GABARAPL1: variants seen among roughly 807,000 people sequenced by gnomAD.
GABARAPL1 encodes GABA type A receptor associated protein like 1, also known as gamma-aminobutyric acid receptor-associated protein-like 1.
Under a neutral mutation model 14.5 loss-of-function variants are expected in GABARAPL1, and 4 were observed. That is an observed-to-expected ratio of 0.28 (90% CI 0.14 to 0.63). The LOEUF is 0.63. Among genes scored for constraint, GABARAPL1 ranks in the 30% least tolerant of loss-of-function variants. The probability of loss-of-function intolerance (pLI) is 0.84; values close to 1 mark genes in which losing one functional copy is unlikely to be tolerated. For synonymous variants in GABARAPL1, 47 were observed against 50.6 expected (o/e 0.93, Z 0.30); for missense variants, 82 against 139.2 (o/e 0.59, Z 2.07).
At chr12:10,217,180 A>T (rs1949095302) in intron 1 of GABARAPL1, among the ~76,000 whole-genome samples, 1 of 152,180 alleles carries the variant, frequency 6.6e-6, no homozygotes, top group Admixed American at 6.5e-5. Flanking sequence ...AAAATCCCTT[A>T]AAGTCCTAAC....
intron 3 of GABARAPL1, chr12:10,221,318 A>G (rs1949119391): frequency 1.0e-6 from 1 of 976,724 alleles, no homozygotes; most frequent in African/African-American, 1.8e-5. Flanking sequence ...GAAGGACTTT[A>G]TTATTACTGA....
chr12:10,221,572 T>G (rs921209971), intron 3 of GABARAPL1: 2 of 473,840 alleles, frequency 4.2e-6, no homozygotes, highest in African/African-American at 4.2e-5. Flanking sequence ...ATATCCCTGA[T>G]ACCTATGTGT....
At chr12:10,221,548 C>A in intron 3 of GABARAPL1, 2 of 584,688 alleles carry the variant, frequency 3.4e-6, no homozygotes, top group African/African-American at 2.0e-5. Context: ...GAGGACTGTG[C>A]CCTAGTCATC....
At chr12:10,216,661 T>C (rs1949091945) in intron 1 of GABARAPL1, among the ~76,000 whole-genome samples, 1 of 150,998 alleles carries the variant, frequency 6.6e-6, no homozygotes, top group South Asian at 2.1e-4. Context: ...TGCCTCAGCC[T>C]TCCTGAGTAG....
rs1421811206 is a variant in GABARAPL1 at position 10,220,447 on chromosome 12, G to C, written c.177G>C (p.Gln59His). ...TCTTCTTCCATCATCCAGTTGGCCA[G>C]TTCTACTTCTTAATCCGGAAGAGAA... ...YLVPSDLTVG[Q>H]FYFLIRKRIH... is the part of the protein sequence containing the mutation. Residue 59 changes from glutamine (Q) to histidine (H), a missense_variant, in exon 3 of 4, where the codon CAG (glutamine) becomes CAC (histidine). Gln to His is a conservative substitution (Grantham distance 24). Transcript: ENST00000266458. 6.2e-7 allele frequency: 1 copy of C among 1,612,346 alleles called. No individual in the cohort carries two copies. The highest frequency in any genetic ancestry group is 8.5e-7 in the Non-Finnish European group (1 of 1,179,874).
intron 1 of GABARAPL1, 90 bp from the exon 2 acceptor site, chr12:10,217,973 A>C: frequency 1.3e-6 from 1 of 772,540 alleles, no homozygotes; most frequent in South Asian, 1.4e-5. Context: ...ATTCATTTCC[A>C]GTAGTAACTA....
Position 10,220,613 on chromosome 12 carries a change from C to G in GABARAPL1, c.288+55C>G, listed in dbSNP as rs752761121. 26 of 1,612,392 alleles carry G rather than the reference C, an allele frequency of 1.6e-5. No individual in the cohort carries two copies. In the South Asian group the frequency reaches 2.8e-4, roughly 17 times the overall value. On this transcript the variant is annotated intron_variant, in intron 3 of 3. Transcript: ENST00000266458. ...GCCGTCCAGTGCAGTCTGGCATCCT[C>G]TAGCCCTTGTTCTAGATGCGTTGAT...
At chr12:10,220,736 A>G (rs1010209821) in intron 3 of GABARAPL1, 178 bp downstream of exon 3, 13 of 1,522,418 alleles carry the variant, frequency 8.5e-6, no homozygotes, top group African/African-American at 2.8e-5. Context: ...CTTGTTTTTT[A>G]GGGATTAGCC....
intron 2 of GABARAPL1, among the ~76,000 whole-genome samples, chr12:10,220,090 A>T (rs1229595577): frequency 6.6e-6 from 1 of 152,196 alleles, no homozygotes; most frequent in East Asian, 1.9e-4. Flanking sequence ...AAGAGTTTCA[A>T]GTCAGGTTTA....
intron 1 of GABARAPL1, 140 bp from the exon 2 acceptor site, chr12:10,217,923 G>T: frequency 1.6e-6 from 1 of 628,632 alleles, no homozygotes. Flanking sequence ...ATAAGGGGTG[G>T]GGGGATAAGA....
Position 10,220,429 on chromosome 12 carries a change from C to T in GABARAPL1, c.170-11C>T, listed in dbSNP as rs774964032. 2.5e-6 allele frequency: 4 copies of T among 1,611,880 alleles called. No individual in the cohort carries two copies. The highest frequency in any genetic ancestry group is 1.1e-5 in the South Asian group (1 of 90,978). On this transcript the variant is annotated splice_polypyrimidine_tract_variant and intron_variant, in intron 2 of 3. Transcript: ENST00000266458. ...CTTTCTTTTCTGCCCTTTTCTTCTTCCATCATCCAGTTGGCCAGTTCTACT... is the reference window on the plus strand; with the variant it reads ...CTTTCTTTTCTGCCCTTTTCTTCTTTCATCATCCAGTTGGCCAGTTCTACT...
intron 1 of GABARAPL1, among the ~76,000 whole-genome samples, chr12:10,217,488 T>G (rs1237065265): frequency 6.6e-6 from 1 of 152,176 alleles, no homozygotes; most frequent in Non-Finnish European, 1.5e-5. Flanking sequence ...TCCCAGCACT[T>G]TGGGAGGCCA....
At chr12:10,214,301 GT>G (rs1465481802) in intron 1 of GABARAPL1, 1 of 155,738 alleles carries the variant, frequency 6.4e-6, no homozygotes, top group Non-Finnish European at 1.4e-5. Context: ...CCTAACGTTC[GT>G]GGTTTTATAG....
chr12:10,219,774 C>T (rs1026171190), intron 2 of GABARAPL1, among the ~76,000 whole-genome samples: 5 of 151,966 alleles, frequency 3.3e-5, no homozygotes, highest in African/African-American at 1.2e-4. Context: ...GCGCTTTCAG[C>T]CTGGGTGACA....
intron 1 of GABARAPL1, 144 bp from the exon 2 acceptor site, chr12:10,217,919 G>T (rs1454897738): frequency 1.1e-5 from 7 of 625,694 alleles, no homozygotes; most frequent in Non-Finnish European, 2.1e-5. Context: ...TTTTATAAGG[G>T]GTGGGGGGAT....
chr12:10,213,855 GAC>G (rs764301301), intron 1 of GABARAPL1: 2 of 456,018 alleles, frequency 4.4e-6, no homozygotes, highest in South Asian at 3.1e-5. Context: ...CTTGTGTGGG[GAC>G]AGCCAGCCTC....
chr12:10,221,317 T>C (rs979871061), intron 3 of GABARAPL1: 2 of 976,588 alleles, frequency 2.0e-6, no homozygotes, highest in African/African-American at 1.7e-5. Flanking sequence ...TGAAGGACTT[T>C]ATTATTACTG....
intron 1 of GABARAPL1, among the ~76,000 whole-genome samples, chr12:10,217,212 CTTG>C (rs1250710183): frequency 1.8e-4 from 28 of 152,178 alleles, no homozygotes; most frequent in African/African-American, 6.0e-4. Context: ...CTATAAATGG[CTTG>C]TTGTGCTGAC....
At chr12:10,218,232 G>A (rs565154354) in intron 2 of GABARAPL1, 91 bp downstream of exon 2, 9 of 812,200 alleles carry the variant, frequency 1.1e-5, no homozygotes, top group Admixed American at 8.8e-5. Context: ...TTGAGAGGCA[G>A]TACATACTTG....
Sources: allele counts gnomAD v4.1 joint callset (sites outside exome capture counted in the v4.1 genomes callset), GRCh38; gene constraint gnomAD v4.1.1; transcripts MANE v1.5; gene names NCBI Gene and HGNC (gene_info 2026-07-23, HGNC 2026-07-21).